NKAIN3: variants seen among roughly 807,000 people sequenced by gnomAD.
The protein encoded by NKAIN3 is sodium/potassium transporting ATPase interacting 3, also known as sodium/potassium-transporting ATPase subunit beta-1-interacting protein 3.
In NKAIN3, 25 loss-of-function variants were observed where a neutral mutation model predicts 30.2. The ratio of observed to expected loss-of-function variants is 0.83; its 90% CI spans 0.60 to 1.16. The LOEUF is 1.16. Ranked by LOEUF, NKAIN3 falls within the 50% of genes most tolerant of loss-of-function variation. The pLI, the probability that NKAIN3 is intolerant of heterozygous loss-of-function variation, is 0.00. For synonymous variants in NKAIN3, 91 were observed against 89.6 expected (o/e 1.02, Z -0.09); for missense variants, 225 against 254.1 (o/e 0.89, Z 0.78).
chr8:62,659,288 G>A (rs1257557383), intron 3 of NKAIN3, among the ~76,000 whole-genome samples: 3 of 152,204 alleles, frequency 2.0e-5, no homozygotes, highest in Non-Finnish European at 4.4e-5. Context: ...ATCCCACAAA[G>A]AGCCTCCGGC....
intron 3 of NKAIN3, among the ~76,000 whole-genome samples, chr8:62,668,717 A>C (rs1474733791): frequency 2.6e-5 from 4 of 152,208 alleles, no homozygotes; most frequent in Admixed American, 2.0e-4. Context: ...AAAGAGATAT[A>C]AGCGTATACT....
chr8:62,318,778 G>A lies in NKAIN3; in HGVS notation c.54+69651G>A, dbSNP rs565261961. 8.8e-3 allele frequency among the ~76,000 whole-genome samples: 1,332 copies of A among 152,142 alleles called. 29 individuals are homozygous for A. The highest frequency in any genetic ancestry group is 0.03 in the African/African-American group (1,257 of 41,472). Reference sequence around the variant, plus strand: ...TTTTGCATCGATATTCATCAGGGATGTTGGTCTAAAATTCTCTTTTTTTGT... The same window carrying A: ...TTTTGCATCGATATTCATCAGGGATATTGGTCTAAAATTCTCTTTTTTTGT... On this transcript the variant is annotated intron_variant, in intron 1 of 6. Coordinates refer to ENST00000623646, the MANE Select transcript of NKAIN3 (RefSeq NM_001304533.3).
intron 1 of NKAIN3, among the ~76,000 whole-genome samples, chr8:62,531,069 C>T (rs1430040313): frequency 6.6e-6 from 1 of 152,098 alleles, no homozygotes; most frequent in East Asian, 1.9e-4. Flanking sequence ...TCTCTCTGCC[C>T]ACATCGACCT....
chr8:62,341,689 A>C (rs1681913031), intron 1 of NKAIN3, among the ~76,000 whole-genome samples: 3 of 152,046 alleles, frequency 2.0e-5, no homozygotes, highest in Admixed American at 2.0e-4. Context: ...TCCACAGGAA[A>C]AAAATTCTTT....
At chr8:62,360,567 C>A (rs1816525425) in intron 1 of NKAIN3, among the ~76,000 whole-genome samples, 1 of 152,078 alleles carries the variant, frequency 6.6e-6, no homozygotes, top group South Asian at 2.1e-4. Context: ...TCAGAAAAGC[C>A]CATTTGGGAT....
At chr8:62,585,760 C>T (rs972010783) in intron 2 of NKAIN3, among the ~76,000 whole-genome samples, 2 of 152,078 alleles carry the variant, frequency 1.3e-5, no homozygotes, top group Non-Finnish European at 2.9e-5. Context: ...TTCTGTCTTG[C>T]GTTTTGAATG....
chr8:62,716,882 G>A (rs993701022), intron 3 of NKAIN3, among the ~76,000 whole-genome samples: 3 of 152,086 alleles, frequency 2.0e-5, no homozygotes, highest in African/African-American at 7.2e-5. Context: ...GATCACTTGA[G>A]GCCAGGAGTT....
intron 3 of NKAIN3, among the ~76,000 whole-genome samples, chr8:62,591,654 A>G (rs1810658553): frequency 6.6e-6 from 1 of 151,968 alleles, no homozygotes; most frequent in South Asian, 2.1e-4. Flanking sequence ...CTGGTTACTC[A>G]TTTTATTACC....
At chr8:62,292,354 G>A (rs1254091850) in intron 1 of NKAIN3, among the ~76,000 whole-genome samples, 3 of 152,148 alleles carry the variant, frequency 2.0e-5, no homozygotes, top group Non-Finnish European at 2.9e-5. Context: ...AATTTTGCAT[G>A]TTTTTGCAGT....
intron 4 of NKAIN3, among the ~76,000 whole-genome samples, chr8:62,782,529 A>T (rs1409918181): frequency 6.6e-6 from 1 of 152,016 alleles, no homozygotes; most frequent in Non-Finnish European, 1.5e-5. Flanking sequence ...CTAGGTGTCC[A>T]TCAATGGATG....
chr8:62,427,167 T>C (rs1804833276), intron 1 of NKAIN3, among the ~76,000 whole-genome samples: 1 of 152,110 alleles, frequency 6.6e-6, no homozygotes, highest in South Asian at 2.1e-4. Flanking sequence ...GATTACTTTC[T>C]TGTCAAAATT....
chr8:62,513,857 CAAAAAAAAAAA>C (rs10608416), intron 1 of NKAIN3, among the ~76,000 whole-genome samples: 3 of 52,616 alleles, frequency 5.7e-5, no homozygotes, highest in African/African-American at 8.1e-5. Context: ...AAACCTGTCT[CAAAAAAAAAAA>C]AAAAAAAAAA....
intron 1 of NKAIN3, among the ~76,000 whole-genome samples, chr8:62,396,690 C>T (rs753354299): frequency 3.3e-5 from 5 of 152,072 alleles, no homozygotes; most frequent in Non-Finnish European, 5.9e-5. Flanking sequence ...TCTGCTAAAC[C>T]AAATTACAAA....
chr8:62,815,623 A>G (rs1818651944), intron 4 of NKAIN3, among the ~76,000 whole-genome samples: 1 of 152,196 alleles, frequency 6.6e-6, no homozygotes, highest in Admixed American at 6.5e-5. Flanking sequence ...CAAAAACCAC[A>G]TGATTATCTC....
chr8:62,345,335 GTATATATACA>G (rs1815905750), intron 1 of NKAIN3, among the ~76,000 whole-genome samples: 2 of 12,628 alleles, frequency 1.6e-4, no homozygotes, highest in East Asian at 3.4e-3. Flanking sequence ...ACACATATAT[GTATATATACA>G]CACATATACA....
chr8:62,864,469 C>T (rs1820359854), intron 4 of NKAIN3, among the ~76,000 whole-genome samples: 1 of 152,094 alleles, frequency 6.6e-6, no homozygotes, highest in Non-Finnish European at 1.5e-5. Flanking sequence ...TGAAGAAGAC[C>T]GCCCAAATAC....
chr8:62,479,632 A>T (rs2129600674), intron 1 of NKAIN3, among the ~76,000 whole-genome samples: 1 of 152,290 alleles, frequency 6.6e-6, no homozygotes, highest in East Asian at 1.9e-4. Flanking sequence ...ATAGGGACTA[A>T]GAAGGTTCCA....
At chr8:62,330,522 AC>A (rs1645059623) in intron 1 of NKAIN3, among the ~76,000 whole-genome samples, 1 of 151,864 alleles carries the variant, frequency 6.6e-6, no homozygotes, top group South Asian at 2.1e-4. Flanking sequence ...AATTTACCCC[AC>A]TAAGACCCCT....
At chr8:62,925,764 C>G (rs1822419205) in intron 5 of NKAIN3, among the ~76,000 whole-genome samples, 1 of 152,124 alleles carries the variant, frequency 6.6e-6, no homozygotes, top group African/African-American at 2.4e-5. Context: ...TGTGATCAGG[C>G]ACGTCACATT....
Sources: allele counts gnomAD v4.1 joint callset (sites outside exome capture counted in the v4.1 genomes callset), GRCh38; gene constraint gnomAD v4.1.1; transcripts MANE v1.5; gene names NCBI Gene and HGNC (gene_info 2026-07-23, HGNC 2026-07-21).